Variants in SSBP2 observed in about 807,000 individuals in gnomAD.
SSBP2 encodes single stranded DNA binding protein 2.
A neutral mutation model predicts 61.8 loss-of-function variants in SSBP2; 17 were observed. The observed-to-expected ratio is 0.28, with a 90% confidence interval of 0.19 to 0.41. The LOEUF (loss-of-function observed/expected upper bound fraction) is 0.41. Ranked by LOEUF, SSBP2 falls within the 10% of genes least tolerant of loss-of-function variation. The probability of loss-of-function intolerance (pLI) is 1.00; values close to 1 mark genes in which losing one functional copy is unlikely to be tolerated. For missense variants in SSBP2, 310 were observed against 458.7 expected (o/e 0.68, Z 2.96); for synonymous variants, 139 against 141.3 (o/e 0.98, Z 0.12).
intron 1 of SSBP2, among the ~76,000 whole-genome samples, chr5:81,721,201 C>G (rs1258817389): frequency 6.6e-6 from 1 of 152,032 alleles, no homozygotes; most frequent in Middle Eastern, 3.2e-3. Flanking sequence ...TTAGTTACAG[C>G]ATCTGAATAT....
At chr5:81,646,585 T>A (rs1456740350) in intron 2 of SSBP2, among the ~76,000 whole-genome samples, 1 of 150,386 alleles carries the variant, frequency 6.6e-6, no homozygotes, top group Non-Finnish European at 1.5e-5. Context: ...CATAAATTAT[T>A]ACATTCTCTA....
chr5:81,510,637 T>C (rs1768528577), intron 5 of SSBP2, among the ~76,000 whole-genome samples: 2 of 152,188 alleles, frequency 1.3e-5, no homozygotes, highest in Admixed American at 6.5e-5. Context: ...GGCACATGCC[T>C]GTAATCCCAG....
chr5:81,545,623 T>C (rs1371958723), intron 4 of SSBP2, among the ~76,000 whole-genome samples: 2 of 152,184 alleles, frequency 1.3e-5, no homozygotes, highest in Non-Finnish European at 2.9e-5. Context: ...GATTACATAT[T>C]AGGTGTGATA....
chr5:81,590,199 A>T (rs1581107117), intron 4 of SSBP2, among the ~76,000 whole-genome samples: 1 of 150,390 alleles, frequency 6.6e-6, no homozygotes, highest in South Asian at 2.1e-4. Context: ...TCATAGATTT[A>T]AAAAAAAAAT....
At chr5:81,506,398 C>T in intron 5 of SSBP2, among the ~76,000 whole-genome samples, 1 of 152,128 alleles carries the variant, frequency 6.6e-6, no homozygotes, top group East Asian at 1.9e-4. Context: ...GTTAGATATT[C>T]TAGTCTAATA....
chr5:81,492,551 TA>T (rs1318148992), intron 5 of SSBP2, among the ~76,000 whole-genome samples: 1 of 151,648 alleles, frequency 6.6e-6, no homozygotes, highest in Non-Finnish European at 1.5e-5. Flanking sequence ...GTTTGGCTCT[TA>T]AAATGTGTTT....
intron 1 of SSBP2, among the ~76,000 whole-genome samples, chr5:81,747,600 T>C (rs1247209848): frequency 6.6e-6 from 1 of 151,982 alleles, no homozygotes; most frequent in Non-Finnish European, 1.5e-5. Flanking sequence ...GTCCTTATTT[T>C]GGAGGTCACT....
chr5:81,575,793 T>C (rs1774170761), intron 4 of SSBP2, among the ~76,000 whole-genome samples: 2 of 152,120 alleles, frequency 1.3e-5, no homozygotes. Context: ...ACAAGATATA[T>C]ATTGTGCAGA....
chr5:81,435,638 T>C (rs1276795641), intron 15 of SSBP2, among the ~76,000 whole-genome samples: 1 of 152,208 alleles, frequency 6.6e-6, no homozygotes. Flanking sequence ...AATTAATCAT[T>C]ATGACTTTTT....
chr5:81,737,511 G>A (rs184013625), intron 1 of SSBP2, among the ~76,000 whole-genome samples: 3 of 151,986 alleles, frequency 2.0e-5, no homozygotes, highest in South Asian at 2.1e-4. Context: ...GGCCAGGCGC[G>A]GTGGCTCACA....
intron 4 of SSBP2, among the ~76,000 whole-genome samples, chr5:81,543,471 C>T (rs532299225): frequency 4.6e-5 from 7 of 151,964 alleles, no homozygotes; most frequent in African/African-American, 9.7e-5. Context: ...ATGATCATAA[C>T]GATGCCAGCA....
chr5:81,461,141 CT>C, intron 9 of SSBP2, 38 bp from the exon 10 acceptor site: 1 of 1,477,834 alleles, frequency 6.8e-7, no homozygotes. Flanking sequence ...TTAACCTATG[CT>C]TTGAAGGTTT....
intron 5 of SSBP2, among the ~76,000 whole-genome samples, chr5:81,511,470 C>A (rs988839622): frequency 6.6e-6 from 1 of 152,144 alleles, no homozygotes; most frequent in African/African-American, 2.4e-5. Context: ...TATAGCATAT[C>A]TTTTCAATTT....
At chr5:81,599,065 C>A (rs1321140920) in intron 4 of SSBP2, among the ~76,000 whole-genome samples, 3 of 152,124 alleles carry the variant, frequency 2.0e-5, no homozygotes, top group Admixed American at 6.5e-5. Context: ...AGTCTTAAAT[C>A]ATCTAAGGGC....
chr5:81,568,632 C>T (rs73766276), intron 4 of SSBP2, among the ~76,000 whole-genome samples: 8,935 of 152,160 alleles, frequency 0.059, 873 homozygotes, highest in African/African-American at 0.2. Context: ...CATGAAATAA[C>T]GTAGCTGTCA....
intron 10 of SSBP2, among the ~76,000 whole-genome samples, chr5:81,457,495 G>A (rs549818796): frequency 6.6e-6 from 1 of 152,202 alleles, no homozygotes; most frequent in South Asian, 2.1e-4. Context: ...GATACCTACT[G>A]TACATTCAAA....
chr5:81,531,927 T>C (rs1216859324), intron 4 of SSBP2, among the ~76,000 whole-genome samples: 1 of 151,884 alleles, frequency 6.6e-6, no homozygotes, highest in Non-Finnish European at 1.5e-5. Flanking sequence ...CAGAAATGAG[T>C]TGAGGTGAAA....
chr5:81,735,731 C>T (rs1167191664), intron 1 of SSBP2, among the ~76,000 whole-genome samples: 1 of 151,964 alleles, frequency 6.6e-6, no homozygotes, highest in Non-Finnish European at 1.5e-5. Context: ...AGAATTCATG[C>T]TTTACAAATG....
chr5:81,705,521 T>C (rs940111808), intron 1 of SSBP2, among the ~76,000 whole-genome samples: 21 of 152,194 alleles, frequency 1.4e-4, no homozygotes, highest in African/African-American at 4.6e-4. Context: ...TACTTAAATA[T>C]ATACTTTAGG....
Sources: allele counts gnomAD v4.1 joint callset (sites outside exome capture counted in the v4.1 genomes callset), GRCh38; gene constraint gnomAD v4.1.1; transcripts MANE v1.5; gene names NCBI Gene and HGNC (gene_info 2026-07-23, HGNC 2026-07-21).